FAM135A: variants seen among roughly 807,000 people sequenced by gnomAD.
FAM135A encodes the protein family with sequence similarity 135 member A, also known as protein FAM135A.
In FAM135A, 79 loss-of-function variants were observed where a neutral mutation model predicts 146.8. The observed-to-expected ratio is 0.54, with a 90% confidence interval of 0.45 to 0.65. The LOEUF (loss-of-function observed/expected upper bound fraction) is 0.65. Among genes scored for constraint, FAM135A ranks in the 30% least tolerant of loss-of-function variants. FAM135A has a pLI of 0.00. For synonymous variants in FAM135A, 562 were observed against 603.6 expected (o/e 0.93, Z 1.01); for missense variants, 1,623 against 1,758.2 (o/e 0.92, Z 1.38).
rs568433268 is a variant in FAM135A at position 70,472,164 on chromosome 6, G to C, written c.158-3246G>C. On this transcript the variant is annotated intron_variant, in intron 5 of 21. Coordinates refer to ENST00000418814, the MANE Select transcript of FAM135A (RefSeq NM_001162529.3). Reference sequence around the variant, plus strand: ...ACCCAGTGGTAGAAGTTATATGGAAGTATTGAGAGAGATGCAGCATCTTCA... The same window carrying C: ...ACCCAGTGGTAGAAGTTATATGGAACTATTGAGAGAGATGCAGCATCTTCA... Among the ~76,000 whole-genome samples the C allele has an allele frequency of 2.0e-5, 3 of 152,270 alleles. No homozygotes were observed. In the South Asian group the frequency reaches 6.2e-4, roughly 32 times the overall value.
chr6:70,471,557 G>A (rs970136660), intron 5 of FAM135A, among the ~76,000 whole-genome samples: 1 of 150,890 alleles, frequency 6.6e-6, no homozygotes, highest in Non-Finnish European at 1.5e-5. Context: ...CCTGGGGCCT[G>A]TTGGAGGATA....
chr6:70,493,819 G>A (rs193124473), intron 11 of FAM135A, among the ~76,000 whole-genome samples: 2 of 152,258 alleles, frequency 1.3e-5, no homozygotes, highest in East Asian at 1.9e-4. Flanking sequence ...TTGGGAAGCC[G>A]AAGCGGGCGG....
chr6:70,526,800 CACAT>C (rs1158742827), intron 15 of FAM135A, 102 bp downstream of exon 15: 102 of 726,764 alleles, frequency 1.4e-4, no homozygotes, highest in South Asian at 1.7e-4. Flanking sequence ...CACACACACA[CACAT>C]ATATATATAA....
chr6:70,512,511 C>T (rs760668440), intron 12 of FAM135A, among the ~76,000 whole-genome samples: 54 of 151,572 alleles, frequency 3.6e-4, no homozygotes, highest in Non-Finnish European at 8.9e-5. Context: ...GTTCCACATG[C>T]TTGTATTGTT....
intron 3 of FAM135A, among the ~76,000 whole-genome samples, chr6:70,427,549 A>T (rs1406572377): frequency 6.6e-6 from 1 of 152,116 alleles, no homozygotes; most frequent in Non-Finnish European, 1.5e-5. Flanking sequence ...AAAAAAAAAA[A>T]AATTAATATT....
At chr6:70,446,056 G>A (rs1383153967) in intron 4 of FAM135A, among the ~76,000 whole-genome samples, 3 of 152,204 alleles carry the variant, frequency 2.0e-5, no homozygotes, top group African/African-American at 2.4e-5. Flanking sequence ...TGGGTTACTA[G>A]CTGCTAATCT....
intron 4 of FAM135A, among the ~76,000 whole-genome samples, chr6:70,439,275 A>G (rs1024892681): frequency 2.6e-5 from 4 of 152,208 alleles, no homozygotes; most frequent in Admixed American, 6.5e-5. Context: ...TCGGTCTTCC[A>G]CTGGTGGTCT....
intron 20 of FAM135A, among the ~76,000 whole-genome samples, chr6:70,538,986 A>G (rs1409466796): frequency 1.3e-5 from 2 of 151,740 alleles, no homozygotes; most frequent in African/African-American, 4.8e-5. Flanking sequence ...CATATTCCCC[A>G]TCTTGCATAT....
At chr6:70,550,268 A>T (rs2128481280) in intron 20 of FAM135A, among the ~76,000 whole-genome samples, 1 of 152,252 alleles carries the variant, frequency 6.6e-6, no homozygotes, top group South Asian at 2.1e-4. Flanking sequence ...GTAATGGTGA[A>T]TTTTTTCCAA....
chr6:70,446,511 G>A (rs182474603), intron 4 of FAM135A, among the ~76,000 whole-genome samples: 3 of 152,308 alleles, frequency 2.0e-5, no homozygotes, highest in Admixed American at 6.5e-5. Flanking sequence ...GTTCTGCAAT[G>A]CAATCTTTCT....
At chr6:70,439,788 T>C (rs1255217143) in intron 4 of FAM135A, among the ~76,000 whole-genome samples, 1 of 152,200 alleles carries the variant, frequency 6.6e-6, no homozygotes, top group Non-Finnish European at 1.5e-5. Context: ...GGACTAACTT[T>C]TGTTTCTTTA....
chr6:70,506,738 C>CTT (rs1336904814), intron 12 of FAM135A, among the ~76,000 whole-genome samples: 1 of 133,078 alleles, frequency 7.5e-6, no homozygotes, highest in Non-Finnish European at 1.6e-5. Flanking sequence ...TTTGTTTTTT[C>CTT]TTTTTTTTTT....
Position 70,528,397 on chromosome 6 carries a change from A to G in FAM135A, c.3720A>G (p.Glu1240=), listed in dbSNP as rs1371352555. ...ASSVPYFSVE[E]EDGSEDGVHL... ...CAGTACCTTATTTTAGTGTAGAAGA[A>G]GAGGATGGTTCTGAAGATGGAGTAC... is the stretch of plus-strand genomic sequence containing the variant. The change falls in exon 16 of 22, where the codon GAA becomes GAG. Residue 1240 remains glutamate (E), a synonymous_variant. Coordinates refer to ENST00000418814, the MANE Select transcript of FAM135A (RefSeq NM_001162529.3). The G allele has an allele frequency of 6.2e-7, 1 of 1,613,576 alleles. No homozygotes were observed. The highest frequency in any genetic ancestry group is 8.5e-7 in the Non-Finnish European group (1 of 1,179,806).
chr6:70,460,805 A>G (rs995732164), intron 5 of FAM135A, among the ~76,000 whole-genome samples: 2 of 152,068 alleles, frequency 1.3e-5, no homozygotes, highest in African/African-American at 4.8e-5. Context: ...CTATCTATCT[A>G]TCTAGATATC....
intron 20 of FAM135A, among the ~76,000 whole-genome samples, chr6:70,550,431 A>C (rs1178120625): frequency 6.6e-6 from 1 of 152,240 alleles, no homozygotes; most frequent in Non-Finnish European, 1.5e-5. Flanking sequence ...GTGTTAGCCC[A>C]CATGGAAACA....
chr6:70,456,683 A>G (rs1778430717), intron 5 of FAM135A, among the ~76,000 whole-genome samples: 1 of 152,222 alleles, frequency 6.6e-6, no homozygotes, highest in South Asian at 2.1e-4. Context: ...TTTTCTTCAT[A>G]ATGTTAACTT....
In FAM135A at chr6:70,553,748, T is replaced by G. The variant is rs1056802360; in HGVS notation, c.4229-3002T>G. Among the ~76,000 whole-genome samples the G allele has an allele frequency of 2.6e-5, 4 of 152,014 alleles. No homozygotes were observed. The South Asian group carries it at 8.3e-4, about 32-fold the overall frequency. On this transcript the variant is annotated intron_variant, in intron 20 of 21. Coordinates refer to ENST00000418814, the MANE Select transcript of FAM135A (RefSeq NM_001162529.3). ...TCTTCCAAACAATTAAAAATAAAAT[T>G]TAATTTGAAAGAAACATATAAAATA...
At position 70,556,789 on chromosome 6, in the gene FAM135A, T is replaced by G; in HGVS notation, c.4268T>G (p.Leu1423Arg). 1 of 1,613,726 alleles carries G rather than the reference T, an allele frequency of 6.2e-7. No individual in the cohort carries two copies. Among genetic ancestry groups the G allele is most frequent in the Non-Finnish European group, 8.5e-7 (1 of 1,179,780 alleles). ...YFKNVVLVGSLQDRYVPYHSA... is the reference protein window; with the variant it reads ...YFKNVVLVGSRQDRYVPYHSA... ...AAAAATGTTGTGCTAGTGGGATCCC[T>G]ACAGGATCGCTATGTTCCTTATCAC... Residue 1423 changes from leucine to arginine, a missense_variant, in exon 21 of 22, where the codon CTA (leucine) becomes CGA (arginine). Leu to Arg is a moderately radical substitution (Grantham distance 102, BLOSUM62 -2). Coordinates refer to ENST00000418814, the MANE Select transcript of FAM135A (RefSeq NM_001162529.3).
At chr6:70,468,431 A>G (rs1780898031) in intron 5 of FAM135A, among the ~76,000 whole-genome samples, 1 of 152,210 alleles carries the variant, frequency 6.6e-6, no homozygotes, top group African/African-American at 2.4e-5. Flanking sequence ...AGGGTTCCTC[A>G]ATTGTGACCA....
Sources: gnomAD v4.1 joint callset for allele counts (sites outside exome capture counted in the v4.1 genomes callset) on GRCh38, gnomAD v4.1.1 for gene constraint, MANE v1.5 for transcripts, NCBI Gene and HGNC (gene_info 2026-07-23, HGNC 2026-07-21) for gene names.